Variants in R3HDM1 observed in about 807,000 individuals in gnomAD.
R3HDM1 encodes the protein R3H domain-containing protein 1.
In R3HDM1, 46 loss-of-function variants were observed where a neutral mutation model predicts 141.1. That is an observed-to-expected ratio of 0.33 (90% CI 0.26 to 0.42). The LOEUF (loss-of-function observed/expected upper bound fraction) is 0.42. R3HDM1 is among the 10% of genes least tolerant of loss of function. The pLI, the probability that R3HDM1 is intolerant of heterozygous loss-of-function variation, is 1.00. For missense variants in R3HDM1, 1,184 were observed against 1,368.3 expected, an observed-to-expected ratio of 0.87 and a Z score of 2.12; for synonymous variants, 435 against 472.9, an observed-to-expected ratio of 0.92 and a Z score of 1.04.
At chr2:135,561,312 G>T in intron 1 of R3HDM1, 1 of 985,260 alleles carries the variant, frequency 1.0e-6, no homozygotes, top group Non-Finnish European at 1.2e-6. Flanking sequence ...TTTGCCTTCG[G>T]ATAAGTTTTA....
chr2:135,624,313 T>C (rs1049178667), intron 7 of R3HDM1, among the ~76,000 whole-genome samples: 3 of 144,620 alleles, frequency 2.1e-5, no homozygotes, highest in African/African-American at 7.8e-5. Context: ...GGGAATGGTG[T>C]AAACCCGGGA....
chr2:135,531,809 G>A, intron 1 of R3HDM1, 176 bp downstream of exon 1: 1 of 985,358 alleles, frequency 1.0e-6, no homozygotes, highest in Non-Finnish European at 1.2e-6. Context: ...AGGGCCTTCT[G>A]ACGTCCCGCT....
At chr2:135,722,845 G>T (rs1267181626) in intron 26 of R3HDM1, among the ~76,000 whole-genome samples, 1 of 152,066 alleles carries the variant, frequency 6.6e-6, no homozygotes, top group Non-Finnish European at 1.5e-5. Context: ...TTTGAGAAAG[G>T]GTTTGTCCTT....
chr2:135,543,604 A>G (rs1698082595), intron 1 of R3HDM1, among the ~76,000 whole-genome samples: 1 of 152,132 alleles, frequency 6.6e-6, no homozygotes, highest in Non-Finnish European at 1.5e-5. Flanking sequence ...AATTTTAAAA[A>G]ATATTTAATG....
intron 1 of R3HDM1, among the ~76,000 whole-genome samples, chr2:135,557,324 C>T (rs1343261164): frequency 6.6e-6 from 1 of 150,616 alleles, no homozygotes; most frequent in East Asian, 1.9e-4. Context: ...GTATCTTTTT[C>T]TTCCCATACT....
chr2:135,627,338 T>C (rs764820533), intron 7 of R3HDM1, among the ~76,000 whole-genome samples: 5 of 152,162 alleles, frequency 3.3e-5, no homozygotes, highest in Non-Finnish European at 2.9e-5. Flanking sequence ...TGGATATCTT[T>C]AATTTCAAGA....
In R3HDM1 at chr2:135,701,785, C is replaced by T. The variant is rs2074236896; in HGVS notation, c.2460-7648C>T. Among the ~76,000 whole-genome samples the T allele has an allele frequency of 1.3e-5, 2 of 152,134 alleles. 1 individual carries two copies. The highest frequency in any genetic ancestry group is 4.1e-4 in the South Asian group (2 of 4,828). Reference sequence around the variant, plus strand: ...AAACTTATAAAGTGTTTATTTCTGGCATTTTTAATACTTTTGGACCATGGT... The same window carrying T: ...AAACTTATAAAGTGTTTATTTCTGGTATTTTTAATACTTTTGGACCATGGT... On this transcript the variant is annotated intron_variant, in intron 21 of 26. Transcript: ENST00000683871.
chr2:135,537,781 C>T (rs938364057), intron 1 of R3HDM1, among the ~76,000 whole-genome samples: 2 of 151,928 alleles, frequency 1.3e-5, no homozygotes, highest in African/African-American at 4.8e-5. Flanking sequence ...CTTAGCCTCC[C>T]TAGTAGCTAG....
chr2:135,546,469 T>C (rs1429080214), intron 1 of R3HDM1, among the ~76,000 whole-genome samples: 1 of 152,184 alleles, frequency 6.6e-6, no homozygotes, highest in Non-Finnish European at 1.5e-5. Flanking sequence ...GAGGAAATGG[T>C]GGACAATAAT....
intron 9 of R3HDM1, chr2:135,633,715 C>T (rs1389213075): frequency 1.3e-5 from 2 of 152,248 alleles, no homozygotes; most frequent in Non-Finnish European, 2.9e-5. Flanking sequence ...CCGCTCCAGC[C>T]TTGAATCAGT....
intron 19 of R3HDM1, chr2:135,669,137 A>T: frequency 7.1e-6 from 7 of 983,932 alleles, no homozygotes; most frequent in Non-Finnish European, 8.4e-6. Context: ...TTATGCGTAT[A>T]ATCTAATTAT....
chr2:135,582,495 C>G (rs1707039719), intron 1 of R3HDM1, among the ~76,000 whole-genome samples: 1 of 152,054 alleles, frequency 6.6e-6, no homozygotes, highest in Non-Finnish European at 1.5e-5. Flanking sequence ...AGTTGAAATG[C>G]CTTGGTCGTT....
intron 17 of R3HDM1, 82 bp downstream of exon 17, chr2:135,650,085 T>C: frequency 9.6e-7 from 1 of 1,041,726 alleles, no homozygotes; most frequent in Non-Finnish European, 1.2e-6. Flanking sequence ...TAATGTAATA[T>C]GATCTTTTGT....
intron 21 of R3HDM1, among the ~76,000 whole-genome samples, chr2:135,702,079 A>C (rs1385900950): frequency 1.3e-5 from 2 of 152,176 alleles, no homozygotes; most frequent in Non-Finnish European, 1.5e-5. Flanking sequence ...AAGCAACTCA[A>C]GTGTCTATCA....
In R3HDM1 at chr2:135,569,831, A is replaced by T. The variant is rs1573920288; in HGVS notation, c.-249-32669A>T. Among the ~76,000 whole-genome samples, 4 of 150,010 alleles carry T rather than the reference A, an allele frequency of 2.7e-5. No individual in the cohort carries two copies. In the South Asian group the frequency reaches 8.4e-4, roughly 31 times the overall value. ...AAGCTCCGCCTCCTGGGTTCACGCC[A>T]TTCTCCTGCCTCAGCCTCCCGAGTA... is the stretch of plus-strand genomic sequence containing the variant. On this transcript the variant is annotated intron_variant, in intron 1 of 26. Transcript: ENST00000683871.
chr2:135,618,500 G>A, intron 5 of R3HDM1, among the ~76,000 whole-genome samples: 1 of 146,886 alleles, frequency 6.8e-6, no homozygotes, highest in Middle Eastern at 3.5e-3. Context: ...ATCTACATAG[G>A]AGATAGCTGT....
At chr2:135,670,801 T>TA in intron 19 of R3HDM1, among the ~76,000 whole-genome samples, 1 of 152,280 alleles carries the variant, frequency 6.6e-6, no homozygotes, top group South Asian at 2.1e-4. Flanking sequence ...CACACCCCTA[T>TA]AATCTCAGCA....
At chr2:135,675,107 T>C (rs1259717645) in intron 19 of R3HDM1, among the ~76,000 whole-genome samples, 1 of 152,138 alleles carries the variant, frequency 6.6e-6, no homozygotes, top group African/African-American at 2.4e-5. Context: ...ATCTTTGCAA[T>C]TGTAGAAGAA....
Position 135,722,507 on chromosome 2 carries a change from A to G in R3HDM1, c.3003A>G (p.Arg1001=), listed in dbSNP as rs747021760. The change falls in exon 26 of 27, where the codon AGA becomes AGG. Residue 1001 remains arginine, a synonymous_variant. Coordinates refer to ENST00000683871, the MANE Select transcript of R3HDM1 (RefSeq NM_001378107.1). ...GCAGGCATGGAAACCGAGGAAGGAGACAAGCTAAAAAAGCTGCATCCACAG... is the reference window on the plus strand; with the variant it reads ...GCAGGCATGGAAACCGAGGAAGGAGGCAAGCTAAAAAAGCTGCATCCACAG... ...PGSRHGNRGR[R]QAKKAASTDL... is the part of the protein sequence containing the mutation. 4.3e-6 allele frequency: 7 copies of G among 1,613,682 alleles called. No homozygotes were observed. The East Asian group carries it at 1.6e-4, about 36-fold the overall frequency.
Sources: gnomAD v4.1 joint callset for allele counts (sites outside exome capture counted in the v4.1 genomes callset) on GRCh38, gnomAD v4.1.1 for gene constraint, MANE v1.5 for transcripts, NCBI Gene and HGNC (gene_info 2026-07-23, HGNC 2026-07-21) for gene names.